Variants in TTC34 observed in about 807,000 individuals in gnomAD.
TTC34 encodes the protein tetratricopeptide repeat domain 34, also known as tetratricopeptide repeat protein 34.
TTC34 carries 44 observed loss-of-function variants against 40.7 expected under a neutral mutation model. That is an observed-to-expected ratio of 1.08 (90% CI 0.85 to 1.39). The LOEUF (loss-of-function observed/expected upper bound fraction) is 1.39. Among genes scored for constraint, TTC34 ranks in the 40% most tolerant of loss-of-function variants. TTC34 has a pLI of 0.00. For synonymous variants in TTC34, 422 were observed against 398.6 expected (o/e 1.06, Z -0.70); for missense variants, 884 against 838.0 (o/e 1.05, Z -0.68).
chr1:2,754,285 A>G (rs1347227918), intron 6 of TTC34, among the ~76,000 whole-genome samples: 1 of 43,274 alleles, frequency 2.3e-5, no homozygotes, highest in Non-Finnish European at 3.8e-5. Flanking sequence ...ACAGCCTGGA[A>G]CAGCACGCAC....
At chr1:2,758,417 C>G (rs1641576546) in intron 6 of TTC34, among the ~76,000 whole-genome samples, 1 of 84,102 alleles carries the variant, frequency 1.2e-5, no homozygotes, top group African/African-American at 8.6e-5. Flanking sequence ...CATCTGACAG[C>G]CTGGAACAGC....
At chr1:2,684,497 G>T (rs1171279544) in intron 6 of TTC34, among the ~76,000 whole-genome samples, 14 of 146,858 alleles carry the variant, frequency 9.5e-5, no homozygotes, top group Admixed American at 1.3e-4. Flanking sequence ...GCATCTGATG[G>T]CCTGGAACGG....
At chr1:2,652,403 C>T (rs1197238514) in intron 6 of TTC34, among the ~76,000 whole-genome samples, 2 of 128,964 alleles carry the variant, frequency 1.6e-5, no homozygotes, top group African/African-American at 3.1e-5. Flanking sequence ...GCAGCACGCA[C>T]ACCCCCAGTG....
chr1:2,687,315 GC>G (rs1299915696), intron 6 of TTC34, among the ~76,000 whole-genome samples: 1 of 82,422 alleles, frequency 1.2e-5, no homozygotes, highest in Non-Finnish European at 2.1e-5. Flanking sequence ...TCGTGGAACA[GC>G]ACCCCAAACC....
intron 6 of TTC34, among the ~76,000 whole-genome samples, chr1:2,683,268 C>T (rs570581758): frequency 2.0e-5 from 3 of 151,750 alleles, no homozygotes; most frequent in East Asian, 1.9e-4. Context: ...GCAGCACCCA[C>T]ACCCACAGGT....
intron 6 of TTC34, among the ~76,000 whole-genome samples, chr1:2,768,564 G>A (rs1641876282): frequency 6.6e-6 from 1 of 151,890 alleles, no homozygotes; most frequent in South Asian, 2.1e-4. Flanking sequence ...CTGATAGCCT[G>A]GATAGGCACT....
intron 6 of TTC34, among the ~76,000 whole-genome samples, chr1:2,754,847 C>A (rs1641452444): frequency 7.3e-6 from 1 of 136,832 alleles, no homozygotes; most frequent in African/African-American, 3.1e-5. Context: ...CAGACTGGAA[C>A]AGCACCCACA....
In TTC34 at chr1:2,760,398, C is replaced by T. The variant is rs1641657402; in HGVS notation, c.2226+23211G>A. Among the ~76,000 whole-genome samples, 2 of 50,210 alleles carry T rather than the reference C, an allele frequency of 4.0e-5. 1 individual carries two copies. Among genetic ancestry groups the T allele is most frequent in the Admixed American group, 4.1e-4 (2 of 4,900 alleles). The allele number at this position is 50,210 out of a possible 152,430, so 32.9% of individuals were successfully genotyped here. A position where few individuals can be genotyped will look rare whatever the true frequency, so the allele number is the denominator to read the frequency against. On this transcript the variant is annotated intron_variant, in intron 6 of 8. Coordinates refer to ENST00000401095, the Ensembl canonical transcript of TTC34. ...AGTATCTGACAGCCTGGAACATCAC[C>T]CCGCACCCACAGGCGAGCATCTGAC...
At chr1:2,767,906 C>T (rs1179381423) in intron 6 of TTC34, among the ~76,000 whole-genome samples, 1 of 144,310 alleles carries the variant, frequency 6.9e-6, no homozygotes, top group African/African-American at 2.5e-5. Flanking sequence ...GAGCATCTGA[C>T]AACCAGAACC....
intron 6 of TTC34, among the ~76,000 whole-genome samples, chr1:2,673,434 AC>A (rs1557598560): frequency 3.8e-5 from 3 of 79,520 alleles, no homozygotes; most frequent in Non-Finnish European, 6.0e-5. Flanking sequence ...CAACACTGAC[AC>A]CCACAGGTGA....
At chr1:2,750,149 G>T (rs1641267550) in intron 6 of TTC34, among the ~76,000 whole-genome samples, 20 of 149,022 alleles carry the variant, frequency 1.3e-4, no homozygotes, top group African/African-American at 4.5e-4. Context: ...CGACAGCGTG[G>T]AGCAGAACAA....
chr1:2,756,646 A>G (rs1318786309), intron 6 of TTC34, among the ~76,000 whole-genome samples: 17,220 of 117,084 alleles, frequency 0.15, 9 homozygotes, highest in South Asian at 0.2. Flanking sequence ...AGCATCTGAC[A>G]GCCTGGAACA....
chr1:2,769,633 C>A (rs1641977786), intron 6 of TTC34, among the ~76,000 whole-genome samples: 1 of 141,728 alleles, frequency 7.1e-6, no homozygotes, highest in Non-Finnish European at 1.5e-5. Flanking sequence ...ACCCACACCC[C>A]CAGGTGAGCA....
At chr1:2,757,751 C>T (rs1274503566) in intron 6 of TTC34, among the ~76,000 whole-genome samples, 2 of 145,558 alleles carry the variant, frequency 1.4e-5, no homozygotes, top group African/African-American at 2.6e-5. Flanking sequence ...AGTACCCACA[C>T]CCACAGGCGA....
At chr1:2,644,937 G>T (rs932139829) in intron 7 of TTC34, among the ~76,000 whole-genome samples, 2 of 152,188 alleles carry the variant, frequency 1.3e-5, no homozygotes, top group Non-Finnish European at 2.9e-5. Context: ...GCTTCTGACA[G>T]TTCCTCCTGG....
rs1639007598 is a variant in TTC34 at position 2,645,622 on chromosome 1, G to A, written c.2227-59C>T. 2 of 1,421,558 alleles carry A rather than the reference G, an allele frequency of 1.4e-6. No homozygotes were observed. Among genetic ancestry groups the A allele is most frequent in the Admixed American group, 2.7e-5 (1 of 37,040 alleles). The allele number at this position is 1,421,558 out of a possible 1,614,324, so 88.1% of individuals were successfully genotyped here. A position where few individuals can be genotyped will look rare whatever the true frequency, so the allele number is the denominator to read the frequency against. On this transcript the variant is annotated intron_variant, in intron 6 of 8. Transcript: ENST00000401095. The surrounding 1 kb of genome is among the most constrained non-coding windows in gnomAD (Gnocchi z 4.7). ...GTCCTAAGTAGAGAAACTGGGCAGA[G>A]GGTCAGAGTAGGAGGACTGGCTCTG...
At chr1:2,749,322 C>A (rs1324260229) in intron 6 of TTC34, among the ~76,000 whole-genome samples, 5 of 50,270 alleles carry the variant, frequency 9.9e-5, no homozygotes, top group Admixed American at 2.0e-4. Context: ...AGAACCCACA[C>A]CCACAGGTGA....
intron 6 of TTC34, among the ~76,000 whole-genome samples, chr1:2,750,244 C>A (rs1392084041): frequency 1.4e-4 from 18 of 127,664 alleles, no homozygotes; most frequent in East Asian, 2.5e-4. Flanking sequence ...GCACCCACAC[C>A]CACAGGTGGG....
At chr1:2,657,332 C>A (rs1482451831) in intron 6 of TTC34, among the ~76,000 whole-genome samples, 1 of 113,542 alleles carries the variant, frequency 8.8e-6, no homozygotes, top group Non-Finnish European at 2.1e-5. Context: ...CATGGAGCAG[C>A]ACCCATAGCC....
Sources: gnomAD v4.1 joint callset for allele counts (sites outside exome capture counted in the v4.1 genomes callset) on GRCh38, gnomAD v4.1.1 for gene constraint, Gnocchi (gnomAD v3.1) non-coding constraint, MANE v1.5 for transcripts, NCBI Gene and HGNC (gene_info 2026-07-23, HGNC 2026-07-21) for gene names.